Variants in ANKRD33B observed in about 807,000 individuals in gnomAD.
ANKRD33B encodes ankyrin repeat domain 33B.
ANKRD33B carries 6 observed loss-of-function variants against 21.5 expected under a neutral mutation model. That is an observed-to-expected ratio of 0.28 (90% CI 0.15 to 0.55). The LOEUF is 0.55. Among genes scored for constraint, ANKRD33B ranks in the 20% least tolerant of loss-of-function variants. ANKRD33B has a pLI of 0.94. For synonymous variants in ANKRD33B, 347 were observed against 342.4 expected (o/e 1.01, Z -0.15); for missense variants, 698 against 747.2 (o/e 0.93, Z 0.77).
At chr5:10,600,195 T>A (rs1261396641) in intron 1 of ANKRD33B, among the ~76,000 whole-genome samples, 1 of 152,272 alleles carries the variant, frequency 6.6e-6, no homozygotes, top group Non-Finnish European at 1.5e-5. Flanking sequence ...CATTGAGAGA[T>A]AATTTACATA....
At position 10,618,435 on chromosome 5, in the gene ANKRD33B, A is replaced by G. The variant is rs769076746; in HGVS notation, c.469A>G (p.Thr157Ala). ...DVNWQDSEGN[T>A]ALITAAQAGH... Reference sequence around the variant, plus strand: ...CAACTGGCAGGACAGCGAGGGGAACACAGCCCTAATCACAGCTGCACAGGC... The same window carrying G: ...CAACTGGCAGGACAGCGAGGGGAACGCAGCCCTAATCACAGCTGCACAGGC... Residue 157 changes from threonine (T) to alanine (A), a missense_variant, in exon 2 of 4, where the codon ACA (threonine) becomes GCA (alanine). Around this residue, in one of 3 missense-constraint regions of ANKRD33B, gnomAD observed 543 missense variants for 566.5 expected, o/e 0.96. Transcript: ENST00000296657. 6.5e-6 allele frequency: 10 copies of G among 1,536,996 alleles called. No homozygotes were observed. Among genetic ancestry groups the G allele is most frequent in the Non-Finnish European group, 7.8e-6 (9 of 1,146,634 alleles).
intron 2 of ANKRD33B, among the ~76,000 whole-genome samples, chr5:10,633,987 G>GA (rs1484107281): frequency 3.9e-5 from 6 of 152,198 alleles, no homozygotes; most frequent in Admixed American, 3.9e-4. Flanking sequence ...AAGGAGGGGG[G>GA]AACACGTTCT....
intron 1 of ANKRD33B, among the ~76,000 whole-genome samples, chr5:10,566,624 A>AAC (rs779652237): frequency 6.6e-5 from 10 of 152,232 alleles, no homozygotes; most frequent in Non-Finnish European, 1.3e-4. Flanking sequence ...TTAGGGGCAA[A>AAC]ACATAAATGT....
At chr5:10,606,285 C>A (rs550554182) in intron 1 of ANKRD33B, among the ~76,000 whole-genome samples, 2 of 152,312 alleles carry the variant, frequency 1.3e-5, no homozygotes, top group East Asian at 3.9e-4. Flanking sequence ...TTGAATTTAT[C>A]AAATCCTGAT....
rs552948257 is a variant in ANKRD33B at position 10,568,888 on chromosome 5, C to G, written c.366+4055C>G. Among the ~76,000 whole-genome samples the G allele has an allele frequency of 3.0e-4, 45 of 152,260 alleles. No homozygotes were observed. The South Asian group carries it at 9.1e-3, about 31-fold the overall frequency. On this transcript the variant is annotated intron_variant, in intron 1 of 3. Coordinates refer to ENST00000296657, the MANE Select transcript of ANKRD33B (RefSeq NM_001164440.2). ...TCTTGGTTACGTTTTCCAAAGGCCC[C>G]TCCATTGGTTTGTTTTGTTAGGTCA...
intron 1 of ANKRD33B, among the ~76,000 whole-genome samples, chr5:10,567,519 C>T (rs576749634): frequency 3.3e-4 from 50 of 152,106 alleles, no homozygotes; most frequent in African/African-American, 8.7e-4. Context: ...TGACGGTGTC[C>T]GGTCTCCCCG....
intron 3 of ANKRD33B, among the ~76,000 whole-genome samples, chr5:10,645,452 A>AT (rs144912327): frequency 0.13 from 19,247 of 151,828 alleles, 1,382 homozygotes; most frequent in Non-Finnish European, 0.16. Flanking sequence ...GAAAGTATAG[A>AT]TTTTTTTTTC....
intron 1 of ANKRD33B, among the ~76,000 whole-genome samples, chr5:10,613,928 C>G (rs929151133): frequency 6.7e-6 from 1 of 150,074 alleles, no homozygotes; most frequent in Non-Finnish European, 1.5e-5. Flanking sequence ...GAAAGTAGTT[C>G]TTCCAAAATG....
intron 2 of ANKRD33B, among the ~76,000 whole-genome samples, chr5:10,630,870 CAA>C (rs34531639): frequency 2.3e-4 from 27 of 119,026 alleles, no homozygotes; most frequent in Admixed American, 3.4e-4. Flanking sequence ...GAGACTGTGT[CAA>C]AAAAAAAAAA....
At chr5:10,597,167 A>G (rs1017772114) in intron 1 of ANKRD33B, among the ~76,000 whole-genome samples, 9 of 152,212 alleles carry the variant, frequency 5.9e-5, no homozygotes, top group African/African-American at 2.2e-4. Context: ...CATCGTGATG[A>G]CAGGATCAGA....
At chr5:10,602,067 A>G (rs1005506573) in intron 1 of ANKRD33B, among the ~76,000 whole-genome samples, 1 of 152,248 alleles carries the variant, frequency 6.6e-6, no homozygotes, top group South Asian at 2.1e-4. Context: ...GCGTTGCCCC[A>G]CTGAAAGAAA....
chr5:10,617,802 C>A (rs961255842), intron 1 of ANKRD33B, among the ~76,000 whole-genome samples: 1 of 152,196 alleles, frequency 6.6e-6, no homozygotes, highest in Admixed American at 6.5e-5. Context: ...CCTGGATGCA[C>A]CAGGCACAGT....
chr5:10,567,844 A>G (rs1406557310), intron 1 of ANKRD33B, among the ~76,000 whole-genome samples: 1 of 152,132 alleles, frequency 6.6e-6, no homozygotes, highest in Non-Finnish European at 1.5e-5. Context: ...TGAAAACCTT[A>G]AAGAAGGCCC....
At chr5:10,647,106 A>G (rs1218352689) in intron 3 of ANKRD33B, among the ~76,000 whole-genome samples, 4 of 151,280 alleles carry the variant, frequency 2.6e-5, no homozygotes, top group African/African-American at 9.7e-5. Flanking sequence ...GAAATCCTCA[A>G]TGATTTTTTT....
intron 1 of ANKRD33B, among the ~76,000 whole-genome samples, chr5:10,615,100 C>G (rs894869869): frequency 1.3e-5 from 2 of 152,188 alleles, no homozygotes; most frequent in East Asian, 3.9e-4. Context: ...CTGAAAGAGA[C>G]CTAATTCAGG....
At chr5:10,612,008 A>T (rs1736181643) in intron 1 of ANKRD33B, among the ~76,000 whole-genome samples, 1 of 152,116 alleles carries the variant, frequency 6.6e-6, no homozygotes, top group Non-Finnish European at 1.5e-5. Context: ...ATGCTCTTTC[A>T]TTCTGTTTAG....
intron 1 of ANKRD33B, among the ~76,000 whole-genome samples, chr5:10,570,402 C>G (rs957696947): frequency 4.6e-5 from 7 of 152,172 alleles, no homozygotes; most frequent in Non-Finnish European, 7.3e-5. Context: ...CATCGCTGCT[C>G]CATTTGGTCT....
At chr5:10,594,798 C>T (rs528557830) in intron 1 of ANKRD33B, among the ~76,000 whole-genome samples, 1 of 152,290 alleles carries the variant, frequency 6.6e-6, no homozygotes, top group African/African-American at 2.4e-5. Context: ...CACTGGGAAA[C>T]CTTGTGTGTG....
intron 2 of ANKRD33B, among the ~76,000 whole-genome samples, chr5:10,633,097 CTT>C (rs1031950496): frequency 4.2e-5 from 5 of 119,450 alleles, no homozygotes; most frequent in Admixed American, 8.8e-5. Flanking sequence ...CAGTTCTCCT[CTT>C]TTTTTTTTTT....
Sources: allele counts gnomAD v4.1 joint callset (sites outside exome capture counted in the v4.1 genomes callset), GRCh38; gene constraint gnomAD v4.1.1; regional missense constraint gnomAD v4.1.1; transcripts MANE v1.5; gene names NCBI Gene and HGNC (gene_info 2026-07-23, HGNC 2026-07-21).